Variants in AGAP1 observed in about 807,000 individuals in gnomAD.
AGAP1 encodes the protein arf-GAP with GTPase, ANK repeat and PH domain-containing protein 1.
AGAP1 carries 29 observed loss-of-function variants against 105.3 expected under a neutral mutation model. The observed-to-expected ratio is 0.28, with a 90% CI of 0.21 to 0.38. The LOEUF is 0.38. Ranked by LOEUF, AGAP1 falls within the 10% of genes least tolerant of loss-of-function variation. The pLI is 1.00. For synonymous variants in AGAP1, 509 were observed against 485.9 expected (o/e 1.05, Z -0.63); for missense variants, 998 against 1,165.1 (o/e 0.86, Z 2.09).
chr2:235,694,895 G>A (rs1169590734), intron 1 of AGAP1, among the ~76,000 whole-genome samples: 1 of 152,184 alleles, frequency 6.6e-6, no homozygotes, highest in Non-Finnish European at 1.5e-5. Context: ...TGCATGGGGG[G>A]TTCCGGCTTC....
chr2:235,882,934 C>G lies in AGAP1; in HGVS notation c.1051-411C>G, dbSNP rs961367784. On this transcript the variant is annotated intron_variant, in intron 9 of 17. Transcript: ENST00000304032. The surrounding 1 kb of genome is among the most constrained non-coding windows in gnomAD (Gnocchi z 4.6). ...CTCAAGAGATCCTCCCACCTCAACC[C>G]CCCACGTAACTGGGATTACAGAAGC... 6.6e-6 allele frequency among the ~76,000 whole-genome samples: 1 copy of G among 152,010 alleles called. No individual in the cohort carries two copies. The highest frequency in any genetic ancestry group is 6.6e-5 in the Admixed American group (1 of 15,242).
At chr2:235,656,565 G>A (rs1252887582) in intron 1 of AGAP1, among the ~76,000 whole-genome samples, 3 of 151,922 alleles carry the variant, frequency 2.0e-5, no homozygotes, top group Non-Finnish European at 2.9e-5. Context: ...TTTTCCCACC[G>A]AACCACTCAC....
At chr2:235,807,095 C>T in intron 8 of AGAP1, 144 bp from the exon 9 acceptor site, 1 of 701,446 alleles carries the variant, frequency 1.4e-6, no homozygotes, top group Non-Finnish European at 2.4e-6. Flanking sequence ...ACTGAGCTGT[C>T]TGCTCGTCGG....
rs1490197428 is a variant in AGAP1, at chr2:236,113,258, G to A, written c.2115-6934G>A. 1.3e-5 allele frequency among the ~76,000 whole-genome samples: 2 copies of A among 152,012 alleles called. No homozygotes were observed. The highest frequency in any genetic ancestry group is 2.4e-5 in the African/African-American group (1 of 41,346). ...CGGGTTCAAGCAATTCTCTGCCTCAGCCCCCCCGAGTAGCTGGGATTACAG... is the reference window on the plus strand; with the variant it reads ...CGGGTTCAAGCAATTCTCTGCCTCAACCCCCCCGAGTAGCTGGGATTACAG... On this transcript the variant is annotated intron_variant, in intron 16 of 17. Transcript: ENST00000304032. This position sits in a 1 kb window ranked among gnomAD's most constrained non-coding sequence, Gnocchi z 4.3.
At chr2:235,588,790 A>G (rs567122034) in intron 1 of AGAP1, among the ~76,000 whole-genome samples, 8 of 152,326 alleles carry the variant, frequency 5.3e-5, no homozygotes, top group Non-Finnish European at 8.8e-5. Flanking sequence ...TGAAATTTGC[A>G]GTCAGCTCTG....
At chr2:235,636,666 T>G (rs1014026573) in intron 1 of AGAP1, among the ~76,000 whole-genome samples, 1 of 152,104 alleles carries the variant, frequency 6.6e-6, no homozygotes, top group Non-Finnish European at 1.5e-5. Flanking sequence ...GGCCCAGAGG[T>G]GAGTCGGCCT....
intron 1 of AGAP1, among the ~76,000 whole-genome samples, chr2:235,527,389 G>A (rs1394440709): frequency 6.6e-6 from 1 of 152,156 alleles, no homozygotes; most frequent in East Asian, 1.9e-4. Context: ...CTTATTGATT[G>A]AGACAGGGTC....
At chr2:235,602,751 G>T (rs1334909372) in intron 1 of AGAP1, among the ~76,000 whole-genome samples, 5 of 152,192 alleles carry the variant, frequency 3.3e-5, no homozygotes, top group Admixed American at 3.3e-4. Context: ...ACCCAGGCTG[G>T]AGTGCAGTGG....
chr2:236,037,234 A>G (rs1046693129), intron 14 of AGAP1: 3 of 152,844 alleles, frequency 2.0e-5, no homozygotes, highest in Admixed American at 6.5e-5. Flanking sequence ...TATGTGTTTT[A>G]TTCAATAATT....
At chr2:235,512,007 ACT>A (rs1942154264) in intron 1 of AGAP1, among the ~76,000 whole-genome samples, 1 of 32,106 alleles carries the variant, frequency 3.1e-5, no homozygotes, top group Admixed American at 4.7e-4. Context: ...TGCGTGTGTG[ACT>A]GTGTGAATGT....
rs1374207220 is a variant in AGAP1 at position 235,904,898 on chromosome 2, C to G, written c.1156-3840C>G. ...GAGGGCTTTTATTGAGTAGGAAATG[C>G]ATTTTGTAAAATTTTTAAAAATGTG... is the stretch of plus-strand genomic sequence containing the variant. On this transcript the variant is annotated intron_variant, in intron 10 of 17. Transcript: ENST00000304032. The surrounding 1 kb of genome is among the most constrained non-coding windows in gnomAD (Gnocchi z 4.2). Among the ~76,000 whole-genome samples the G allele has an allele frequency of 3.3e-5, 5 of 152,078 alleles. No individual in the cohort carries two copies. The highest frequency in any genetic ancestry group is 3.3e-4 in the Admixed American group (5 of 15,262).
intron 16 of AGAP1, among the ~76,000 whole-genome samples, chr2:236,068,880 G>GCA (rs1266229696): frequency 6.7e-6 from 1 of 149,028 alleles, no homozygotes; most frequent in Non-Finnish European, 1.5e-5. Context: ...TGTAATCCTA[G>GCA]CACTTTGGGA....
rs1366483023 is a variant in AGAP1, at chr2:235,824,642, C to G, written c.1050+17311C>G. Among the ~76,000 whole-genome samples, 1 of 152,174 alleles carries G rather than the reference C, an allele frequency of 6.6e-6. No individual in the cohort carries two copies. The highest frequency in any genetic ancestry group is 1.5e-5 in the Non-Finnish European group (1 of 68,030). On this transcript the variant is annotated intron_variant, in intron 9 of 17. Coordinates refer to ENST00000304032, the MANE Select transcript of AGAP1 (RefSeq NM_001037131.3). The surrounding 1 kb of genome is among the most constrained non-coding windows in gnomAD (Gnocchi z 5.2). Reference sequence around the variant, plus strand: ...GGTGATTCCCTCGGGTCTGCATGCTCCTTTTCCCCCTTTTTGTTGTTGCAT... The same window carrying G: ...GGTGATTCCCTCGGGTCTGCATGCTGCTTTTCCCCCTTTTTGTTGTTGCAT...
chr2:235,781,111 G>C (rs1956234257), intron 6 of AGAP1, among the ~76,000 whole-genome samples: 1 of 152,046 alleles, frequency 6.6e-6, no homozygotes. Context: ...TTTAATCTGG[G>C]TATGTCTAAA....
intron 1 of AGAP1, among the ~76,000 whole-genome samples, chr2:235,606,738 C>T (rs1403412066): frequency 2.0e-5 from 3 of 152,056 alleles, no homozygotes; most frequent in Non-Finnish European, 4.4e-5. Context: ...ACCTGAGGGT[C>T]AGGGGATCGA....
At chr2:235,848,785 C>T (rs1961817523) in intron 9 of AGAP1, among the ~76,000 whole-genome samples, 1 of 152,158 alleles carries the variant, frequency 6.6e-6, no homozygotes, top group Non-Finnish European at 1.5e-5. Context: ...TAACTTTTCC[C>T]CCCAGCTAGT....
At position 235,951,085 on chromosome 2, in the gene AGAP1, T is replaced by C. The variant is rs988280358; in HGVS notation, c.1484-17377T>C. Among the ~76,000 whole-genome samples, 4 of 152,222 alleles carry C rather than the reference T, an allele frequency of 2.6e-5. No homozygotes were observed. The highest frequency in any genetic ancestry group is 6.5e-5 in the Admixed American group (1 of 15,280). ...CTGGAAGTAAATTTAATTCTAGTTT[T>C]TAAATATCATTAATTCTGGAGGTTG... On this transcript the variant is annotated intron_variant, in intron 12 of 17. Transcript: ENST00000304032. The surrounding 1 kb of genome is among the most constrained non-coding windows in gnomAD (Gnocchi z 4.2).
chr2:236,040,465 G>A lies in AGAP1; in HGVS notation c.1801-286G>A, dbSNP rs549501629. The A allele has an allele frequency of 4.4e-5, 22 of 499,290 alleles. No individual in the cohort carries two copies. Among genetic ancestry groups the A allele is most frequent in the African/African-American group, 1.2e-4 (6 of 52,006 alleles). The allele number at this position is 499,290 out of a possible 1,614,324, so 30.9% of individuals were successfully genotyped here. The stretch of plus-strand genomic sequence containing the variant: ...TTCTCCAGGTTACCATGGTCCATGC[G>A]TATTCACAGATGATCCAGAACTCTC... On this transcript the variant is annotated intron_variant, in intron 14 of 17. Coordinates refer to ENST00000304032, the MANE Select transcript of AGAP1 (RefSeq NM_001037131.3). The surrounding 1 kb of genome is among the most constrained non-coding windows in gnomAD (Gnocchi z 5.6).
In AGAP1 at chr2:235,930,779, G is replaced by A. The variant is rs1468129231; in HGVS notation, c.1339G>A (p.Ala447Thr). ...ISPNSGNVTS[A>T]SGSQMASGIS... ...TTTATTCCTAGGGAATGTCACTAGT[G>A]CATCTGGGTCTCAGATGGCAAGCGG... The change falls in exon 12 of 18, where the codon GCA becomes ACA. Residue 447 changes from alanine to threonine, a missense_variant. By Grantham distance (58) the Ala-to-Thr change is moderately conservative. Around this residue, in one of 3 missense-constraint regions of AGAP1, gnomAD observed 735 missense variants for 833.4 expected, o/e 0.88. Coordinates refer to ENST00000304032, the MANE Select transcript of AGAP1 (RefSeq NM_001037131.3). The surrounding 1 kb of genome is among the most constrained non-coding windows in gnomAD (Gnocchi z 7.9). 2.5e-6 allele frequency: 4 copies of A among 1,613,832 alleles called. No homozygotes were observed. Among genetic ancestry groups the A allele is most frequent in the Non-Finnish European group, 3.4e-6 (4 of 1,179,982 alleles).
Sources: gnomAD v4.1 joint callset for allele counts (sites outside exome capture counted in the v4.1 genomes callset) on GRCh38, gnomAD v4.1.1 for gene constraint, gnomAD v4.1.1 regional missense constraint, Gnocchi (gnomAD v3.1) non-coding constraint, MANE v1.5 for transcripts, NCBI Gene and HGNC (gene_info 2026-07-23, HGNC 2026-07-21) for gene names.